Variants in SESN2 observed in about 807,000 individuals in gnomAD.
The protein encoded by SESN2 is sestrin-2.
In SESN2, 42 loss-of-function variants were observed where a neutral mutation model predicts 56.0. The observed-to-expected ratio is 0.75, with a 90% confidence interval of 0.59 to 0.97. The LOEUF is 0.97. SESN2 is among the 50% of genes least tolerant of loss of function. SESN2 has a pLI of 0.00. For synonymous variants in SESN2, 264 were observed against 267.1 expected, an observed-to-expected ratio of 0.99 and a Z score of 0.11; for missense variants, 507 against 649.4, an observed-to-expected ratio of 0.78 and a Z score of 2.38.
At chr1:28,278,646 TCTC>T (rs1382590531) in intron 8 of SESN2, among the ~76,000 whole-genome samples, 2 of 152,216 alleles carry the variant, frequency 1.3e-5, no homozygotes, top group Non-Finnish European at 2.9e-5. Flanking sequence ...TCAAGTTATA[TCTC>T]CTCCTTTAAA....
At chr1:28,260,173 T>G (rs1572088763) in intron 1 of SESN2, among the ~76,000 whole-genome samples, 1 of 77,492 alleles carries the variant, frequency 1.3e-5, no homozygotes, top group South Asian at 4.9e-4. Flanking sequence ...CCTCTCCCCC[T>G]CTCCCTCACC....
In SESN2 at chr1:28,280,733, G is replaced by A; in HGVS notation, c.1374G>A (p.Leu458=). Residue 458 remains leucine, a synonymous_variant, in exon 10 of 10, where the codon CTG becomes CTA. Coordinates refer to ENST00000253063, the MANE Select transcript of SESN2 (RefSeq NM_031459.5). ...TGCCCCAGGTCCACGTGAACTTGCT[G>A]CTCCTGGAGGCGCGCATGCAAGCCG... The part of the protein sequence containing the change: ...RHSEKVHVNL[L]LLEARMQAAL... 6.2e-7 allele frequency: 1 copy of A among 1,613,316 alleles called. No homozygotes were observed. The highest frequency in any genetic ancestry group is 8.5e-7 in the Non-Finnish European group (1 of 1,179,966).
At chr1:28,268,974 G>A (rs1028407690) in intron 1 of SESN2, among the ~76,000 whole-genome samples, 6 of 152,206 alleles carry the variant, frequency 3.9e-5, no homozygotes, top group African/African-American at 1.4e-4. Context: ...CCCAGTTCCT[G>A]AAGAACTCAG....
chr1:28,260,707 A>AC (rs1449941009), intron 1 of SESN2, among the ~76,000 whole-genome samples: 10 of 65,952 alleles, frequency 1.5e-4, no homozygotes, highest in East Asian at 3.7e-4. Context: ...GCTCCCCTCC[A>AC]CCCCCCCGCA....
intron 2 of SESN2, among the ~76,000 whole-genome samples, chr1:28,270,547 C>A (rs1355882538): frequency 6.6e-6 from 1 of 151,564 alleles, no homozygotes; most frequent in Non-Finnish European, 1.5e-5. Context: ...TTGCTCTTGT[C>A]TTTTATTTTT....
chr1:28,280,495 C>T lies in SESN2; in HGVS notation c.1357-221C>T, dbSNP rs150678467. On this transcript the variant is annotated intron_variant, in intron 9 of 9. Transcript: ENST00000253063. Reference sequence around the variant, plus strand: ...TGTTGGGATTACAGGCGTGAGCCACCGCACCTGGCCATTTTACCTTTAGGG... The same window carrying T: ...TGTTGGGATTACAGGCGTGAGCCACTGCACCTGGCCATTTTACCTTTAGGG... Among the ~76,000 whole-genome samples, 1,156 of 152,322 alleles carry T rather than the reference C, an allele frequency of 7.6e-3. 16 individuals carry two copies. The highest frequency in any genetic ancestry group is 0.025 in the African/African-American group (1,056 of 41,560).
chr1:28,276,570 CTTTTTTTT>C lies in SESN2; in HGVS notation c.1211+1574_1211+1581del, dbSNP rs57474365. ...TATCTCCTTCCTGTCTTTTTCTTTC[CTTTTTTTT>C]TTTTTTTTTTTTTTTTTTGAGACAG... On this transcript the variant is annotated intron_variant, in intron 8 of 9. Transcript: ENST00000253063. Among the ~76,000 whole-genome samples, 4 of 94,734 alleles carry C rather than the reference CTTTTTTTT, an allele frequency of 4.2e-5. No individual in the cohort carries two copies. In the East Asian group the frequency reaches 1.6e-3, roughly 37 times the overall value. The allele number at this position is 94,734 out of a possible 152,430, so 62.1% of individuals were successfully genotyped here.
chr1:28,272,480 A>AG lies in SESN2; in HGVS notation c.537+15dup. The AG allele has an allele frequency of 6.2e-7, 1 of 1,610,850 alleles. No individual in the cohort carries two copies. ...GAACACATCCAGGTGCAGGGGGCAG[A>AG]GAGGCGGGTGTCTGAGGGAGCACAG... On this transcript the variant is annotated intron_variant, in intron 4 of 9. Transcript: ENST00000253063.
At chr1:28,269,551 A>C (rs976217195) in intron 2 of SESN2, among the ~76,000 whole-genome samples, 1 of 152,038 alleles carries the variant, frequency 6.6e-6, no homozygotes, top group Non-Finnish European at 1.5e-5. Flanking sequence ...AGAAGATAGA[A>C]CTATCTATCT....
intron 2 of SESN2, among the ~76,000 whole-genome samples, chr1:28,270,936 C>T (rs1557732790): frequency 6.6e-6 from 1 of 152,176 alleles, no homozygotes; most frequent in East Asian, 1.9e-4. Context: ...AATCCCAGCA[C>T]TTTGGGAGGC....
rs1572088968 is a variant in SESN2, at chr1:28,260,435, A to G, written c.90+498A>G. Among the ~76,000 whole-genome samples, 3 of 152,080 alleles carry G rather than the reference A, an allele frequency of 2.0e-5. No individual in the cohort carries two copies. In the East Asian group the frequency reaches 5.9e-4, roughly 30 times the overall value. On this transcript the variant is annotated intron_variant, in intron 1 of 9. Coordinates refer to ENST00000253063, the MANE Select transcript of SESN2 (RefSeq NM_031459.5). The stretch of plus-strand genomic sequence containing the variant: ...GCTCCTGTCCCCCAGCGCGGGGCGT[A>G]GGCACCTGGGACTGGCCAGTGAAAG...
intron 1 of SESN2, among the ~76,000 whole-genome samples, chr1:28,261,184 T>C (rs1170002085): frequency 6.6e-6 from 1 of 152,174 alleles, no homozygotes; most frequent in African/African-American, 2.4e-5. Flanking sequence ...TTTCTGGGGA[T>C]CCTACCTCCG....
intron 1 of SESN2, among the ~76,000 whole-genome samples, chr1:28,267,127 A>G (rs1424776018): frequency 2.0e-5 from 3 of 152,074 alleles, no homozygotes; most frequent in Admixed American, 1.3e-4. Context: ...GGAGTCAGCA[A>G]TCCTTATCTC....
At chr1:28,279,703 C>G (rs568218580) in intron 9 of SESN2, among the ~76,000 whole-genome samples, 1 of 151,610 alleles carries the variant, frequency 6.6e-6, no homozygotes, top group African/African-American at 2.4e-5. Context: ...GTGCCACCAT[C>G]CCCAGCTAAT....
At chr1:28,262,745 G>A (rs146614409) in intron 1 of SESN2, among the ~76,000 whole-genome samples, 3,786 of 151,656 alleles carry the variant, frequency 0.025, 150 homozygotes, top group African/African-American at 0.086. Flanking sequence ...TGGCTAATAC[G>A]GTGAAACCCC....
chr1:28,271,443 T>C (rs954649850), intron 2 of SESN2, among the ~76,000 whole-genome samples: 1 of 152,238 alleles, frequency 6.6e-6, no homozygotes, highest in African/African-American at 2.4e-5. Flanking sequence ...TCTTGAACAG[T>C]GCTTGGCACA....
intron 2 of SESN2, 109 bp from the exon 3 acceptor site, chr1:28,271,565 T>C: frequency 1.3e-6 from 1 of 746,602 alleles, no homozygotes; most frequent in Non-Finnish European, 2.3e-6. Flanking sequence ...TTGGACACGG[T>C]GGTGGTTTTT....
rs1289831770 is a variant in SESN2 at position 28,264,670 on chromosome 1, ATAAAT to A, written c.91-4508_91-4504del. On this transcript the variant is annotated intron_variant, in intron 1 of 9. Transcript: ENST00000253063. ...ACTACATGTGGCTATTTAAATTTAG[ATAAAT>A]TAAAATTAAATAAAATGAAAATTTT... Among the ~76,000 whole-genome samples the A allele has an allele frequency of 3.9e-5, 6 of 152,230 alleles. No homozygotes were observed. The South Asian group carries it at 1.0e-3, about 26-fold the overall frequency.
At chr1:28,277,803 A>T (rs998806222) in intron 8 of SESN2, among the ~76,000 whole-genome samples, 1 of 152,198 alleles carries the variant, frequency 6.6e-6, no homozygotes, top group African/African-American at 2.4e-5. Flanking sequence ...GGGTTGAGCT[A>T]TACTTAATGA....
Sources: allele counts gnomAD v4.1 joint callset (sites outside exome capture counted in the v4.1 genomes callset), GRCh38; gene constraint gnomAD v4.1.1; transcripts MANE v1.5; gene names NCBI Gene and HGNC (gene_info 2026-07-23, HGNC 2026-07-21).